Variants in SLIT3 observed in about 807,000 individuals in gnomAD.
SLIT3 encodes the protein slit homolog 3 protein.
A neutral mutation model predicts 184.0 loss-of-function variants in SLIT3; 68 were observed. The observed-to-expected ratio is 0.37, with a 90% confidence interval of 0.30 to 0.45. SLIT3 has a LOEUF of 0.45. Ranked by LOEUF, SLIT3 falls within the 20% of genes least tolerant of loss-of-function variation. The pLI is 1.00. For missense variants in SLIT3, 1,707 were observed against 2,026.0 expected (o/e 0.84, Z 3.02); for synonymous variants, 831 against 828.6 (o/e 1.00, Z -0.05).
chr5:169,276,673 G>T (rs947654568), intron 1 of SLIT3, among the ~76,000 whole-genome samples: 2 of 152,150 alleles, frequency 1.3e-5, no homozygotes, highest in Non-Finnish European at 2.9e-5. Flanking sequence ...AGTTGCCATG[G>T]TAGTAAAATT....
At chr5:169,135,360 C>T (rs1463783068) in intron 4 of SLIT3, among the ~76,000 whole-genome samples, 1 of 152,180 alleles carries the variant, frequency 6.6e-6, no homozygotes, top group East Asian at 1.9e-4. Flanking sequence ...GATCTGCCTG[C>T]CTCGGCCTCC....
intron 4 of SLIT3, among the ~76,000 whole-genome samples, chr5:169,043,028 C>CT (rs1235213598): frequency 1.3e-5 from 2 of 152,166 alleles, no homozygotes; most frequent in East Asian, 3.8e-4. Flanking sequence ...TTTTGTACTA[C>CT]TACTAATGGC....
chr5:168,753,980 C>T lies in SLIT3; in HGVS notation c.1713G>A (p.Glu571=), dbSNP rs1430510281. The part of the protein sequence containing the change: ...KINLSNNKIK[E]VREGAFDGAA... ...CTCCATCGAAAGCTCCCTCTCGCAC[C>T]TCCTTGATCTTATTGTTACTCAGAT... is the stretch of plus-strand genomic sequence containing the variant. Residue 571 remains glutamate (E), a synonymous_variant, in exon 17 of 36, where the codon GAG becomes GAA. Transcript: ENST00000519560. 1 of 1,602,402 alleles carries T rather than the reference C, an allele frequency of 6.2e-7. No homozygotes were observed. The highest frequency in any genetic ancestry group is 1.1e-5 in the South Asian group (1 of 90,164).
intron 3 of SLIT3, among the ~76,000 whole-genome samples, chr5:169,217,979 AC>A (rs1403294506): frequency 6.6e-6 from 1 of 152,212 alleles, no homozygotes; most frequent in Non-Finnish European, 1.5e-5. Context: ...AGAAAGCGAG[AC>A]CTTTTCGTCT....
At chr5:168,970,270 C>T (rs549783489) in intron 4 of SLIT3, among the ~76,000 whole-genome samples, 18 of 151,934 alleles carry the variant, frequency 1.2e-4, no homozygotes, top group Admixed American at 5.2e-4. Context: ...CTGAGGCAGG[C>T]GGATCACCTG....
At position 168,687,573 on chromosome 5, in the gene SLIT3, C is replaced by T. The variant is rs150978222; in HGVS notation, c.3177-457G>A. On this transcript the variant is annotated intron_variant, in intron 29 of 35. Coordinates refer to ENST00000519560, the MANE Select transcript of SLIT3 (RefSeq NM_003062.4). Reference sequence around the variant, plus strand: ...TTCCCTGAGGACCCCCACACCCCATCGAGTGATAATACTTAGTTTACACTT... The same window carrying T: ...TTCCCTGAGGACCCCCACACCCCATTGAGTGATAATACTTAGTTTACACTT... 1.9e-3 allele frequency among the ~76,000 whole-genome samples: 285 copies of T among 152,286 alleles called. 1 individual carries two copies. The highest frequency in any genetic ancestry group is 6.6e-3 in the African/African-American group (273 of 41,558).
intron 4 of SLIT3, among the ~76,000 whole-genome samples, chr5:169,134,972 C>G (rs111257781): frequency 2.6e-5 from 4 of 152,370 alleles, no homozygotes; most frequent in African/African-American, 9.6e-5. Context: ...AGTGTCCAAA[C>G]AGTTTCTGAC....
In SLIT3 at chr5:168,665,044, G is replaced by C. The variant is rs182991576; in HGVS notation, c.*1410C>G. On this transcript the variant is annotated 3_prime_UTR_variant, in exon 36 of 36. Transcript: ENST00000519560. ...AGGGCTGCTCTGATGGATTTAAGCCGCCTGAATCACCTGTGCTCACCCATT... is the reference window on the plus strand; with the variant it reads ...AGGGCTGCTCTGATGGATTTAAGCCCCCTGAATCACCTGTGCTCACCCATT... The C allele has an allele frequency of 6.6e-6, 1 of 152,166 alleles. No individual in the cohort carries two copies. Among genetic ancestry groups the C allele is most frequent in the Non-Finnish European group, 1.5e-5 (1 of 68,050 alleles). The allele number at this position is 152,166 out of a possible 1,614,324, so 9.4% of individuals were successfully genotyped here.
chr5:169,166,627 C>T (rs1332655680), intron 4 of SLIT3, among the ~76,000 whole-genome samples: 1 of 152,170 alleles, frequency 6.6e-6, no homozygotes, highest in Non-Finnish European at 1.5e-5. Flanking sequence ...TTACCATGCC[C>T]TCTTCAACCC....
At chr5:169,260,438 A>G (rs1400752654) in intron 1 of SLIT3, among the ~76,000 whole-genome samples, 1 of 152,200 alleles carries the variant, frequency 6.6e-6, no homozygotes, top group Non-Finnish European at 1.5e-5. Context: ...GATCAGACCG[A>G]GGACGGGGTA....
In SLIT3 at chr5:169,117,217, A is replaced by G. The variant is rs182862783; in HGVS notation, c.413+76262T>C. Among the ~76,000 whole-genome samples, 310 of 152,272 alleles carry G rather than the reference A, an allele frequency of 2.0e-3. 3 individuals are homozygous for G. The highest frequency in any genetic ancestry group is 2.5e-3 in the Non-Finnish European group (172 of 68,010). On this transcript the variant is annotated intron_variant, in intron 4 of 35. Coordinates refer to ENST00000519560, the MANE Select transcript of SLIT3 (RefSeq NM_003062.4). ...CACCCATAAAAATAGAGAAAACACC[A>G]CTTTACAAACTGCCAGGATACATAA...
intron 4 of SLIT3, among the ~76,000 whole-genome samples, chr5:169,191,393 T>C (rs1763546581): frequency 6.6e-6 from 1 of 152,080 alleles, no homozygotes. Flanking sequence ...AAGCTCAGGG[T>C]AATTTACCTC....
intron 5 of SLIT3, among the ~76,000 whole-genome samples, chr5:168,862,815 C>A (rs374083493): frequency 3.3e-5 from 5 of 152,124 alleles, no homozygotes; most frequent in African/African-American, 9.7e-5. Context: ...GCTGGGACTA[C>A]AGGCACCCAC....
chr5:168,869,546 C>A, intron 5 of SLIT3, among the ~76,000 whole-genome samples: 1 of 152,156 alleles, frequency 6.6e-6, no homozygotes, highest in East Asian at 1.9e-4. Flanking sequence ...TTGACACAGC[C>A]TCTGTTTATT....
chr5:168,978,503 C>A (rs1299840476), intron 4 of SLIT3, among the ~76,000 whole-genome samples: 1 of 152,160 alleles, frequency 6.6e-6, no homozygotes, highest in Non-Finnish European at 1.5e-5. Flanking sequence ...ATCTAACAGG[C>A]AGAACCTGAT....
chr5:169,039,513 T>A (rs1020903740), intron 4 of SLIT3, among the ~76,000 whole-genome samples: 1 of 152,004 alleles, frequency 6.6e-6, no homozygotes, highest in African/African-American at 2.4e-5. Flanking sequence ...GAGACGGGGT[T>A]TCACCATGTT....
intron 12 of SLIT3, 118 bp downstream of exon 12, chr5:168,785,789 T>C (rs1476003988): frequency 1.1e-5 from 8 of 741,550 alleles, no homozygotes; most frequent in African/African-American, 7.0e-5. Flanking sequence ...GCTCAAACAT[T>C]TTTTTCTCTT....
chr5:169,254,992 T>A (rs1453692876), intron 1 of SLIT3, among the ~76,000 whole-genome samples: 1 of 152,236 alleles, frequency 6.6e-6, no homozygotes, highest in Admixed American at 6.5e-5. Context: ...ATGGCATATC[T>A]GATGGTGGTC....
At chr5:169,082,870 C>G (rs943249226) in intron 4 of SLIT3, among the ~76,000 whole-genome samples, 7 of 152,234 alleles carry the variant, frequency 4.6e-5, no homozygotes, top group Non-Finnish European at 8.8e-5. Context: ...TCTGCTCCTT[C>G]TCTGCCTCAA....
Sources: gnomAD v4.1 joint callset for allele counts (sites outside exome capture counted in the v4.1 genomes callset) on GRCh38, gnomAD v4.1.1 for gene constraint, MANE v1.5 for transcripts, NCBI Gene and HGNC (gene_info 2026-07-23, HGNC 2026-07-21) for gene names.